The following HLCS variants were observed in gnomAD, a reference collection of about 807,000 sequenced individuals.
HLCS encodes the protein biotin--protein ligase.
In HLCS, 53 loss-of-function variants were observed where a neutral mutation model predicts 75.0. That is an observed-to-expected ratio of 0.71 (90% CI 0.57 to 0.89). The LOEUF is 0.89. HLCS is among the 40% of genes least tolerant of loss of function. The pLI, the probability that HLCS is intolerant of heterozygous loss-of-function variation, is 0.00. For synonymous variants in HLCS, 431 were observed against 428.6 expected (o/e 1.01, Z -0.07); for missense variants, 966 against 1,074.0 (o/e 0.90, Z 1.41).
chr21:36,756,716 C>T lies in HLCS; in HGVS notation c.2276G>A (p.Cys759Tyr), dbSNP rs1405779488. ...GTATTCTGTGATGAGGTCGTTGATG[C>T]AGATGGTAGGGTTACTGTTAGTCAC... is the stretch of plus-strand genomic sequence containing the variant. ...FNVTNSNPTI[C>Y]INDLITEYNK... Residue 759 changes from cysteine to tyrosine, a missense_variant, in exon 10 of 11, where the codon TGC becomes TAC. Physicochemically the swap from Cys to Tyr is radical, Grantham distance 194 (BLOSUM62 -2). Coordinates refer to ENST00000674895, the MANE Select transcript of HLCS (RefSeq NM_001352514.2). The T allele has an allele frequency of 2.5e-6, 4 of 1,613,962 alleles. No individual in the cohort carries two copies. The highest frequency in any genetic ancestry group is 3.4e-6 in the Non-Finnish European group (4 of 1,180,008).
intron 6 of HLCS, among the ~76,000 whole-genome samples, chr21:36,778,605 G>C (rs1446276047): frequency 6.6e-6 from 1 of 152,178 alleles, no homozygotes; most frequent in African/African-American, 2.4e-5. Context: ...CTTGATGGTT[G>C]CCAAACAGAT....
intron 6 of HLCS, among the ~76,000 whole-genome samples, chr21:36,823,610 G>GGTGTGTGTGTGT (rs59724760): frequency 0.057 from 7,541 of 132,654 alleles, 276 homozygotes; most frequent in Non-Finnish European, 0.077. Context: ...AAACGTGCAG[G>GGTGTGTGTGTGT]GTGTGTGTGT....
intron 10 of HLCS, among the ~76,000 whole-genome samples, chr21:36,755,489 A>G (rs2089529623): frequency 6.6e-6 from 1 of 152,202 alleles, no homozygotes; most frequent in Non-Finnish European, 1.5e-5. Context: ...TGAGAACAAG[A>G]ACCTCCCATA....
chr21:36,978,717 T>C (rs542897018), intron 1 of HLCS, among the ~76,000 whole-genome samples: 1 of 151,958 alleles, frequency 6.6e-6, no homozygotes, highest in East Asian at 2.0e-4. Flanking sequence ...GGGAGACCCT[T>C]AAAGAGACCC....
intron 4 of HLCS, among the ~76,000 whole-genome samples, chr21:36,930,839 G>A (rs1273683923): frequency 1.3e-5 from 2 of 152,166 alleles, no homozygotes; most frequent in Non-Finnish European, 2.9e-5. Flanking sequence ...ACAAAAGAAC[G>A]ATTCCAAAGA....
At chr21:36,862,304 T>A (rs1205897420) in intron 6 of HLCS, among the ~76,000 whole-genome samples, 1 of 152,212 alleles carries the variant, frequency 6.6e-6, no homozygotes. Context: ...CTTGGGTAGG[T>A]GTCTAGGAGC....
At chr21:36,762,457 G>C (rs113520207) in intron 8 of HLCS, among the ~76,000 whole-genome samples, 425 of 152,344 alleles carry the variant, frequency 2.8e-3, no homozygotes, top group Non-Finnish European at 5.2e-3. Context: ...AGTTCCGGAA[G>C]GAATGCCTGC....
upstream of HLCS, among the ~76,000 whole-genome samples, chr21:36,968,283 C>A (rs1025439363): frequency 6.6e-6 from 1 of 152,152 alleles, no homozygotes; most frequent in Non-Finnish European, 1.5e-5. Flanking sequence ...TGAGCCATGG[C>A]GCCTAGCCAT....
chr21:36,823,611 GT>G (rs879428494), intron 6 of HLCS, among the ~76,000 whole-genome samples: 7,810 of 55,458 alleles, frequency 0.14, 313 homozygotes, highest in South Asian at 0.32. Flanking sequence ...AACGTGCAGG[GT>G]GTGTGTGTGT....
upstream of HLCS, among the ~76,000 whole-genome samples, chr21:36,967,869 G>A (rs978698458): frequency 3.9e-5 from 6 of 151,958 alleles, no homozygotes; most frequent in African/African-American, 1.2e-4. Flanking sequence ...ACAGGTGCCC[G>A]TCACCATGCC....
upstream of HLCS, among the ~76,000 whole-genome samples, chr21:36,967,077 C>CTTA (rs1194128862): frequency 6.6e-6 from 1 of 151,886 alleles, no homozygotes; most frequent in East Asian, 1.9e-4. Flanking sequence ...CTGTTTAAGC[C>CTTA]AAGTCCGGCC....
intron 5 of HLCS, among the ~76,000 whole-genome samples, chr21:36,920,601 C>T (rs577615894): frequency 2.6e-5 from 4 of 152,126 alleles, no homozygotes; most frequent in South Asian, 2.1e-4. Context: ...ATGCACAGCA[C>T]GCCTGTATCA....
chr21:36,791,883 CA>C (rs1261744380), intron 6 of HLCS, among the ~76,000 whole-genome samples: 1 of 152,120 alleles, frequency 6.6e-6, no homozygotes, highest in Non-Finnish European at 1.5e-5. Flanking sequence ...GAAAAAAGAA[CA>C]ACCAAGTTAG....
At chr21:36,911,075 C>T (rs1053530594) in intron 5 of HLCS, among the ~76,000 whole-genome samples, 4 of 152,228 alleles carry the variant, frequency 2.6e-5, no homozygotes, top group Non-Finnish European at 5.9e-5. Flanking sequence ...TTTGAACCAG[C>T]TGCAACACTT....
At chr21:36,870,763 G>A (rs1245628038) in intron 6 of HLCS, among the ~76,000 whole-genome samples, 2 of 152,140 alleles carry the variant, frequency 1.3e-5, no homozygotes, top group Non-Finnish European at 2.9e-5. Context: ...GAGATATCAA[G>A]GCTAAAATTC....
Position 36,821,325 on chromosome 21 carries a change from G to A in HLCS, c.1893-54040C>T, listed in dbSNP as rs369754198. 1.7e-4 allele frequency among the ~76,000 whole-genome samples: 26 copies of A among 152,224 alleles called. No individual in the cohort carries two copies. In the South Asian group the frequency reaches 2.3e-3, roughly 13 times the overall value. On this transcript the variant is annotated intron_variant, in intron 6 of 10. Transcript: ENST00000674895. ...TTTTTTGTGTATAGTAGGAGCACAC[G>A]AGAATTAGGAAGAACAGAAAAAACA...
At chr21:36,840,750 T>C (rs548132432) in intron 6 of HLCS, among the ~76,000 whole-genome samples, 2 of 152,164 alleles carry the variant, frequency 1.3e-5, no homozygotes, top group Non-Finnish European at 2.9e-5. Context: ...ATAGCTGGGA[T>C]TACAGGCGCC....
chr21:36,757,452 G>A (rs898291466), intron 9 of HLCS, among the ~76,000 whole-genome samples: 3 of 152,084 alleles, frequency 2.0e-5, no homozygotes, highest in African/African-American at 4.8e-5. Context: ...GGCAGAGGGC[G>A]GTGTCTTCAG....
At chr21:36,804,873 G>C (rs904350742) in intron 6 of HLCS, among the ~76,000 whole-genome samples, 12 of 152,190 alleles carry the variant, frequency 7.9e-5, no homozygotes, top group African/African-American at 2.9e-4. Flanking sequence ...AATGAGCCAA[G>C]TAAAAGCACT....
Sources: allele counts gnomAD v4.1 joint callset (sites outside exome capture counted in the v4.1 genomes callset), GRCh38; gene constraint gnomAD v4.1.1; transcripts MANE v1.5; gene names NCBI Gene and HGNC (gene_info 2026-07-23, HGNC 2026-07-21).